SENP7: variants seen among roughly 807,000 people sequenced by gnomAD.
SENP7 encodes SUMO specific peptidase 7, also known as sentrin-specific protease 7.
Under a neutral mutation model 141.2 loss-of-function variants are expected in SENP7, and 64 were observed. That is an observed-to-expected ratio of 0.45 (90% CI 0.37 to 0.56). The LOEUF is 0.56. Among genes scored for constraint, SENP7 ranks in the 20% least tolerant of loss-of-function variants. The pLI is 0.00. For missense variants in SENP7, 1,025 were observed against 1,212.2 expected (o/e 0.85, Z 2.29); for synonymous variants, 382 against 426.4 (o/e 0.90, Z 1.28).
chr3:101,405,022 T>A (rs1206776883), intron 5 of SENP7, among the ~76,000 whole-genome samples: 1 of 151,988 alleles, frequency 6.6e-6, no homozygotes, highest in East Asian at 1.9e-4. Flanking sequence ...CAAAAGGGGA[T>A]AATGGTGGAT....
intron 6 of SENP7, among the ~76,000 whole-genome samples, chr3:101,380,475 A>G (rs1012966881): frequency 1.3e-5 from 2 of 150,512 alleles, no homozygotes; most frequent in South Asian, 2.1e-4. Flanking sequence ...AAACATAACT[A>G]ATTTTTAAAA....
At chr3:101,487,594 G>A (rs2064785140) in intron 3 of SENP7, among the ~76,000 whole-genome samples, 1 of 152,136 alleles carries the variant, frequency 6.6e-6, no homozygotes, top group South Asian at 2.1e-4. Flanking sequence ...ATAGTTTGAG[G>A]TTTTACATTT....
intron 11 of SENP7, among the ~76,000 whole-genome samples, chr3:101,355,693 GCCT>G (rs2059722966): frequency 6.6e-6 from 1 of 152,124 alleles, no homozygotes; most frequent in African/African-American, 2.4e-5. Context: ...TGGCAATCAG[GCCT>G]CTTTTTTTTG....
chr3:101,463,370 T>TATATATATATATACAC lies in SENP7; in HGVS notation c.187-4319_187-4318insGTGTATATATATATAT, dbSNP rs2063623163. 2.5e-4 allele frequency among the ~76,000 whole-genome samples: 21 copies of TATATATATATATACAC among 83,670 alleles called. 2 individuals carry two copies. In the Admixed American group the frequency reaches 2.7e-3, roughly 11 times the overall value. 54.9% of individuals were successfully genotyped at this position (83,670 alleles called of 152,430 possible). The stretch of plus-strand genomic sequence containing the variant: ...TATCATAAATAAATAAATAAATATA[T>TATATATATATATACAC]ATATATATATATATATATATATATA... On this transcript the variant is annotated intron_variant, in intron 3 of 23. Transcript: ENST00000394095.
At chr3:101,338,898 T>G (rs546215742) in intron 16 of SENP7, among the ~76,000 whole-genome samples, 1 of 152,290 alleles carries the variant, frequency 6.6e-6, no homozygotes, top group East Asian at 1.9e-4. Context: ...CAAATAATTT[T>G]ACTGTGTCCC....
At position 101,346,209 on chromosome 3, in the gene SENP7, G is replaced by A. The variant is rs528552718; in HGVS notation, c.1837+1663C>T. Among the ~76,000 whole-genome samples the A allele has an allele frequency of 9.2e-5, 14 of 152,152 alleles. No individual in the cohort carries two copies. In the East Asian group the frequency reaches 9.7e-4, roughly 11 times the overall value. Reference sequence around the variant, plus strand: ...ATCAGAGAAATGAAAACCACAATGCGATACCACCTTACTCCCACAAGAATG... The same window carrying A: ...ATCAGAGAAATGAAAACCACAATGCAATACCACCTTACTCCCACAAGAATG... On this transcript the variant is annotated intron_variant, in intron 13 of 23. Transcript: ENST00000394095.
chr3:101,499,366 G>A (rs2065281227), intron 2 of SENP7, among the ~76,000 whole-genome samples: 1 of 151,996 alleles, frequency 6.6e-6, no homozygotes, highest in African/African-American at 2.4e-5. Context: ...GGCAATGTAA[G>A]GTTTTTTTAG....
intron 7 of SENP7, among the ~76,000 whole-genome samples, chr3:101,368,960 G>A (rs1401199683): frequency 6.6e-6 from 1 of 152,092 alleles, no homozygotes; most frequent in African/African-American, 2.4e-5. Context: ...CATTCACAAG[G>A]TTACCAATTT....
intron 23 of SENP7, among the ~76,000 whole-genome samples, chr3:101,327,110 C>T (rs899208571): frequency 6.6e-6 from 1 of 152,030 alleles, no homozygotes; most frequent in African/African-American, 2.4e-5. Context: ...TTAATCAAAT[C>T]ATTTTAAAGT....
intron 6 of SENP7, among the ~76,000 whole-genome samples, chr3:101,392,022 C>T (rs1482501667): frequency 6.6e-6 from 1 of 152,152 alleles, no homozygotes; most frequent in Non-Finnish European, 1.5e-5. Context: ...TCAATATCCC[C>T]CCATGATAAA....
intron 9 of SENP7, among the ~76,000 whole-genome samples, chr3:101,365,780 T>C (rs976277394): frequency 3.9e-5 from 6 of 152,094 alleles, no homozygotes; most frequent in African/African-American, 1.4e-4. Flanking sequence ...AGACAATGAC[T>C]CTATATCAGC....
intron 23 of SENP7, 29 bp from the exon 24 acceptor site, chr3:101,326,109 A>C: frequency 2.0e-6 from 3 of 1,494,132 alleles, no homozygotes; most frequent in Non-Finnish European, 2.7e-6. Context: ...GAGTGTAATC[A>C]CTTTAGCAGC....
chr3:101,417,268 C>T (rs1013231592), intron 5 of SENP7, among the ~76,000 whole-genome samples: 5 of 152,034 alleles, frequency 3.3e-5, no homozygotes, highest in Non-Finnish European at 7.4e-5. Context: ...AATACATATA[C>T]ACACACGTAT....
chr3:101,484,797 G>A (rs564458185), intron 3 of SENP7, among the ~76,000 whole-genome samples: 1 of 152,248 alleles, frequency 6.6e-6, no homozygotes, highest in South Asian at 2.1e-4. Context: ...GATGACCAGA[G>A]GAGCAGGGGT....
At chr3:101,328,089 G>C (rs520558) in intron 22 of SENP7, among the ~76,000 whole-genome samples, 48,175 of 151,870 alleles carry the variant, frequency 0.32, 8,167 homozygotes, top group Non-Finnish European at 0.38. Context: ...CATTTTAAAA[G>C]TTTCATCATT....
chr3:101,445,854 C>T (rs2062870533), intron 4 of SENP7, among the ~76,000 whole-genome samples: 1 of 152,162 alleles, frequency 6.6e-6, no homozygotes, highest in African/African-American at 2.4e-5. Context: ...ATTCTGAATA[C>T]ATACAGCCAA....
chr3:101,397,245 C>T (rs2060996331), intron 6 of SENP7, among the ~76,000 whole-genome samples: 1 of 152,208 alleles, frequency 6.6e-6, no homozygotes, highest in African/African-American at 2.4e-5. Flanking sequence ...GATCCTCCCA[C>T]CTCAGCCTCC....
At chr3:101,453,430 A>C (rs1206339538) in intron 4 of SENP7, among the ~76,000 whole-genome samples, 1 of 152,216 alleles carries the variant, frequency 6.6e-6, no homozygotes, top group Non-Finnish European at 1.5e-5. Context: ...TGTTTATTGC[A>C]GCACTATTCA....
chr3:101,372,915 T>C (rs1350056188), intron 6 of SENP7, among the ~76,000 whole-genome samples: 1 of 152,024 alleles, frequency 6.6e-6, no homozygotes, highest in African/African-American at 2.4e-5. Context: ...TGGCATATTA[T>C]TCTCTATACT....
Sources: allele counts gnomAD v4.1 joint callset (sites outside exome capture counted in the v4.1 genomes callset), GRCh38; gene constraint gnomAD v4.1.1; transcripts MANE v1.5; gene names NCBI Gene and HGNC (gene_info 2026-07-23, HGNC 2026-07-21).